Variants in ESCO2 observed in about 807,000 individuals in gnomAD.
ESCO2 encodes the protein N-acetyltransferase ESCO2.
ESCO2 carries 51 observed loss-of-function variants against 61.7 expected under a neutral mutation model. The observed-to-expected ratio is 0.83, with a 90% CI of 0.66 to 1.04. The LOEUF is 1.04. Among genes scored for constraint, ESCO2 ranks in the 50% least tolerant of loss-of-function variants. The pLI, the probability that ESCO2 is intolerant of heterozygous loss-of-function variation, is 0.00. For missense variants in ESCO2, 692 were observed against 686.2 expected, an observed-to-expected ratio of 1.01 and a Z score of -0.09; for synonymous variants, 230 against 238.2, an observed-to-expected ratio of 0.97 and a Z score of 0.32.
downstream of ESCO2, among the ~76,000 whole-genome samples, chr8:27,807,275 T>C (rs1805581696): frequency 6.6e-6 from 1 of 152,152 alleles, no homozygotes; most frequent in Admixed American, 6.5e-5. Flanking sequence ...ATTAAGGAAG[T>C]TCCTCTGTCT....
chr8:27,795,036 T>G (rs1031745964), intron 9 of ESCO2, among the ~76,000 whole-genome samples: 1 of 152,200 alleles, frequency 6.6e-6, no homozygotes, highest in African/African-American at 2.4e-5. Flanking sequence ...ATTTTAGGAC[T>G]GTTTTTTGTA....
intron 5 of ESCO2, among the ~76,000 whole-genome samples, chr8:27,784,894 G>C (rs1033561986): frequency 5.3e-5 from 8 of 152,126 alleles, no homozygotes; most frequent in African/African-American, 1.9e-4. Context: ...ATTAGGATGG[G>C]TGCACAGCTT....
chr8:27,792,848 G>T, intron 9 of ESCO2, 37 bp downstream of exon 9: 1 of 1,543,252 alleles, frequency 6.5e-7, no homozygotes. Context: ...GGCATAATTT[G>T]CAGGCAAAAT....
At chr8:27,806,567 T>C (rs770372698), downstream of ESCO2, among the ~76,000 whole-genome samples, 7 of 152,100 alleles carry the variant, frequency 4.6e-5, no homozygotes, top group Non-Finnish European at 1.0e-4. Flanking sequence ...GTCAGATCTA[T>C]AGATCAATTT....
downstream of ESCO2, among the ~76,000 whole-genome samples, chr8:27,806,836 T>G (rs1040620294): frequency 3.3e-5 from 5 of 152,000 alleles, no homozygotes; most frequent in African/African-American, 1.2e-4. Flanking sequence ...GGCTGGTCTT[T>G]AACTCTTGAC....
downstream of ESCO2, chr8:27,810,988 T>A (rs748580344): frequency 6.2e-7 from 1 of 1,609,530 alleles, no homozygotes; most frequent in Non-Finnish European, 8.5e-7. Context: ...GAAAGATTAA[T>A]GTGTGGAATC....
intron 8 of ESCO2, 134 bp downstream of exon 8, chr8:27,792,186 A>G (rs1563477026): frequency 4.8e-6 from 4 of 828,350 alleles, no homozygotes; most frequent in South Asian, 2.9e-5. Context: ...ATAGCAATTT[A>G]TACAAAACTA....
downstream of ESCO2, among the ~76,000 whole-genome samples, chr8:27,813,654 C>G (rs1805747869): frequency 4.0e-5 from 6 of 151,664 alleles, no homozygotes; most frequent in South Asian, 8.4e-4. Flanking sequence ...TACTCAAGAT[C>G]TACTCTCAGC....
chr8:27,799,442 A>G (rs922531843), intron 9 of ESCO2, 99 bp from the exon 10 acceptor site: 3 of 1,182,166 alleles, frequency 2.5e-6, no homozygotes, highest in African/African-American at 1.5e-5. Context: ...ACTTGGAGAT[A>G]TAAGTTAAAT....
downstream of ESCO2, chr8:27,810,303 CA>C: frequency 6.2e-7 from 1 of 1,600,438 alleles, no homozygotes; most frequent in Non-Finnish European, 8.6e-7. Context: ...CTGAGATGAT[CA>C]CTAGACATCT....
At chr8:27,816,424 T>C (rs1317525580), downstream of ESCO2, among the ~76,000 whole-genome samples, 1 of 151,304 alleles carries the variant, frequency 6.6e-6, no homozygotes, top group African/African-American at 2.4e-5. Context: ...TCGCCCAGAC[T>C]GGAGTACAGT....
At chr8:27,811,192 A>C (rs1805674627), downstream of ESCO2, 1 of 1,503,066 alleles carries the variant, frequency 6.7e-7, no homozygotes, top group African/African-American at 1.4e-5. Context: ...AAGGCAAGCA[A>C]CCCAAAGGGA....
intron 9 of ESCO2, among the ~76,000 whole-genome samples, chr8:27,794,862 A>G (rs1263213883): frequency 6.6e-6 from 1 of 152,074 alleles, no homozygotes; most frequent in African/African-American, 2.4e-5. Flanking sequence ...TGTTCTTGGC[A>G]TGTTTGTCAG....
At position 27,775,425 on chromosome 8, in the gene ESCO2, A is replaced by G. The variant is rs1389270821; in HGVS notation, c.-16-74A>G. 4 of 1,264,920 alleles carry G rather than the reference A, an allele frequency of 3.2e-6. No homozygotes were observed. In the Admixed American group the frequency reaches 5.0e-5, roughly 16 times the overall value. The allele number at this position is 1,264,920 out of a possible 1,614,324, so 78.4% of individuals were successfully genotyped here. A position where few individuals can be genotyped will look rare whatever the true frequency, so the allele number is the denominator to read the frequency against. On this transcript the variant is annotated intron_variant, in intron 1 of 10. Transcript: ENST00000305188. ...GTTTTAACTTGGTGTGAAATAGACT[A>G]ATTAAAGGGGGTATAATTTTGATAA...
downstream of ESCO2, chr8:27,812,234 G>GTT (rs1207694999): frequency 4.6e-5 from 7 of 152,108 alleles, no homozygotes; most frequent in African/African-American, 1.4e-4. Flanking sequence ...TAGCTGAGAG[G>GTT]TTAACTAGAT....
downstream of ESCO2, among the ~76,000 whole-genome samples, chr8:27,817,050 G>T (rs1365501112): frequency 6.6e-6 from 1 of 152,110 alleles, no homozygotes; most frequent in Non-Finnish European, 1.5e-5. Context: ...GAAAGCCTTT[G>T]CCTACAGAAA....
Position 27,775,922 on chromosome 8 carries a change from A to G in ESCO2, c.53+355A>G, listed in dbSNP as rs138986057. ...TATTTTACAGTGTTTTGCATACAGT[A>G]GATGCTTGTCTGGAAACAATTCTAG... On this transcript the variant is annotated intron_variant, in intron 2 of 10. Transcript: ENST00000305188. Among the ~76,000 whole-genome samples the G allele has an allele frequency of 2.8e-3, 434 of 152,298 alleles. 7 individuals carry two copies. The highest frequency in any genetic ancestry group is 1.0e-2 in the African/African-American group (414 of 41,550).
chr8:27,803,271 C>T (rs761302631), intron 10 of ESCO2, 35 bp from the exon 11 acceptor site: 4 of 1,584,118 alleles, frequency 2.5e-6, no homozygotes, highest in Admixed American at 3.3e-5. Flanking sequence ...TGTTAAGTTG[C>T]TTCCATCATT....
At chr8:27,815,520 A>G (rs1004821828), downstream of ESCO2, among the ~76,000 whole-genome samples, 9 of 152,212 alleles carry the variant, frequency 5.9e-5, no homozygotes, top group Non-Finnish European at 1.3e-4. Flanking sequence ...CATGGAATTC[A>G]TGACAAGAGA....
Sources: allele counts gnomAD v4.1 joint callset (sites outside exome capture counted in the v4.1 genomes callset), GRCh38; gene constraint gnomAD v4.1.1; transcripts MANE v1.5; gene names NCBI Gene and HGNC (gene_info 2026-07-23, HGNC 2026-07-21).